Variants in AQP9 observed in about 807,000 individuals in gnomAD.
AQP9 encodes aquaporin-9.
A neutral mutation model predicts 23.8 loss-of-function variants in AQP9; 19 were observed. The observed-to-expected ratio is 0.80, with a 90% CI of 0.56 to 1.17. AQP9 has a LOEUF of 1.17. Ranked by LOEUF, AQP9 falls within the 50% of genes most tolerant of loss-of-function variation. The pLI is 0.00. For missense variants in AQP9, 413 were observed against 362.0 expected (o/e 1.14, Z -1.14); for synonymous variants, 153 against 131.5 (o/e 1.16, Z -1.12).
In AQP9 at chr15:58,184,204, G is replaced by C. The variant is rs572981246; in HGVS notation, c.*69G>C. 82 of 1,525,906 alleles carry C rather than the reference G, an allele frequency of 5.4e-5. 1 individual carries two copies. In the South Asian group the frequency reaches 9.7e-4, roughly 18 times the overall value. The allele number at this position is 1,525,906 out of a possible 1,614,324, so 94.5% of individuals were successfully genotyped here. ...TCAGAAAGATGGCATCTAAGTGTCT[G>C]TGTTCTTGTAAGCCTGAGGTGGAAT... is the stretch of plus-strand genomic sequence containing the variant. On this transcript the variant is annotated 3_prime_UTR_variant, in exon 6 of 6. Transcript: ENST00000219919.
At position 58,138,690 on chromosome 15, in the gene AQP9, G is replaced by A; in HGVS notation, c.111+14G>A. On this transcript the variant is annotated intron_variant, in intron 1 of 5. Transcript: ENST00000219919. Reference sequence around the variant, plus strand: ...TTCATCTTGATTGTAAGTATTTCCTGATTTCCTACATTCAGACCCAATAAT... The same window carrying A: ...TTCATCTTGATTGTAAGTATTTCCTAATTTCCTACATTCAGACCCAATAAT... 1 of 1,610,372 alleles carries A rather than the reference G, an allele frequency of 6.2e-7. No individual in the cohort carries two copies. The highest frequency in any genetic ancestry group is 8.5e-7 in the Non-Finnish European group (1 of 1,176,810).
intron 1 of AQP9, among the ~76,000 whole-genome samples, chr15:58,147,995 T>C (rs8035807): frequency 0.16 from 23,875 of 152,118 alleles, 2,213 homozygotes; most frequent in East Asian, 0.27. Context: ...GAGAATAATA[T>C]TTAAAATCTG....
rs1277771462 is a variant in AQP9, at chr15:58,173,160, T to G, written c.331T>G (p.Leu111Val). The G allele has an allele frequency of 1.2e-6, 2 of 1,614,080 alleles. No homozygotes were observed. Among genetic ancestry groups the G allele is most frequent in the East Asian group, 4.5e-5 (2 of 44,888 alleles). ...GCCATTTTATGTGGGAGCCCAGTTC[T>G]TGGGAGCCTTTGTGGGGGCTGCAAC... ...KLPFYVGAQF[L>V]GAFVGAATVF... is the part of the protein sequence containing the mutation. Residue 111 changes from leucine to valine, a missense_variant, in exon 3 of 6, where the codon TTG becomes GTG. By Grantham distance (32) the Leu-to-Val change is conservative. Transcript: ENST00000219919.
At chr15:58,174,554 C>T (rs1190560185) in intron 3 of AQP9, among the ~76,000 whole-genome samples, 3 of 152,158 alleles carry the variant, frequency 2.0e-5, no homozygotes, top group African/African-American at 7.2e-5. Flanking sequence ...TTACTGAGAG[C>T]CCTCTGGGAA....
intron 1 of AQP9, among the ~76,000 whole-genome samples, chr15:58,161,498 A>G (rs1476404809): frequency 6.6e-6 from 1 of 152,214 alleles, no homozygotes; most frequent in African/African-American, 2.4e-5. Context: ...AATCATAAAT[A>G]GTCAAAACAA....
Position 58,174,980 on chromosome 15 carries a change from A to G in AQP9, c.439A>G (p.Ile147Val). Reference sequence around the variant, plus strand: ...CGTGGGAGAAAATGCAACAGCACACATTTTTGCAACATACCCAGCTCCGTA... The same window carrying G: ...CGTGGGAGAAAATGCAACAGCACACGTTTTTGCAACATACCCAGCTCCGTA... ...LIVGENATAHIFATYPAPYLS... is the reference protein window; with the variant it reads ...LIVGENATAHVFATYPAPYLS... The change falls in exon 4 of 6, where the codon ATT (isoleucine) becomes GTT (valine). Residue 147 changes from isoleucine (I) to valine (V), a missense_variant. Coordinates refer to ENST00000219919, the MANE Select transcript of AQP9 (RefSeq NM_020980.5). 6.2e-7 allele frequency: 1 copy of G among 1,614,176 alleles called. No homozygotes were observed. The highest frequency in any genetic ancestry group is 2.2e-5 in the East Asian group (1 of 44,880).
At chr15:58,182,104 G>T (rs879591907) in intron 5 of AQP9, among the ~76,000 whole-genome samples, 13 of 152,292 alleles carry the variant, frequency 8.5e-5, no homozygotes, top group Middle Eastern at 6.8e-3. Context: ...GAGGGCAAGA[G>T]TCAACAGACC....
intron 1 of AQP9, among the ~76,000 whole-genome samples, chr15:58,144,751 C>G (rs1272441477): frequency 6.6e-6 from 1 of 152,130 alleles, no homozygotes; most frequent in Non-Finnish European, 1.5e-5. Flanking sequence ...CGCGGTGGCT[C>G]ATGCCTGTAA....
intron 1 of AQP9, among the ~76,000 whole-genome samples, chr15:58,150,095 C>T (rs1250985321): frequency 3.9e-5 from 6 of 152,136 alleles, no homozygotes; most frequent in Non-Finnish European, 7.4e-5. Flanking sequence ...TAAGTGAGAC[C>T]GAACAGGCAA....
At chr15:58,158,678 A>C (rs1400298108) in intron 1 of AQP9, among the ~76,000 whole-genome samples, 1 of 152,210 alleles carries the variant, frequency 6.6e-6, no homozygotes, top group Non-Finnish European at 1.5e-5. Context: ...TTTAACTTTA[A>C]AAATTTTCAA....
chr15:58,143,057 T>A (rs1309924864), intron 1 of AQP9, among the ~76,000 whole-genome samples: 2 of 152,198 alleles, frequency 1.3e-5, no homozygotes, highest in African/African-American at 4.8e-5. Flanking sequence ...ACCCACAGTC[T>A]TGCAGCATTT....
intron 5 of AQP9, 140 bp downstream of exon 5, chr15:58,179,485 A>G (rs1177705140): frequency 3.0e-6 from 2 of 676,360 alleles, no homozygotes; most frequent in African/African-American, 3.7e-5. Flanking sequence ...AGCATGAGAC[A>G]TTTCACTGGT....
chr15:58,180,190 A>G (rs1566991555), intron 5 of AQP9, among the ~76,000 whole-genome samples: 2 of 152,156 alleles, frequency 1.3e-5, no homozygotes, highest in Non-Finnish European at 2.9e-5. Flanking sequence ...GCAACTTCCT[A>G]TGGGGAAGGA....
rs1240325193 is a variant in AQP9 at position 58,185,182 on chromosome 15, T to G, written c.*1047T>G. 6.6e-6 allele frequency: 1 copy of G among 152,452 alleles called. No homozygotes were observed. The highest frequency in any genetic ancestry group is 2.4e-5 in the African/African-American group (1 of 41,444). The allele number at this position is 152,452 out of a possible 1,614,324, so 9.4% of individuals were successfully genotyped here. A position where few individuals can be genotyped will look rare whatever the true frequency, so the allele number is the denominator to read the frequency against. On this transcript the variant is annotated 3_prime_UTR_variant, in exon 6 of 6. Coordinates refer to ENST00000219919, the MANE Select transcript of AQP9 (RefSeq NM_020980.5). ...ATGACTATGTGAGGCAAATGCCACA[T>G]TGCCCATTTTTCAGATAAAGAAACA...
chr15:58,175,439 C>A (rs1207205718), intron 4 of AQP9, among the ~76,000 whole-genome samples: 1 of 152,210 alleles, frequency 6.6e-6, no homozygotes, highest in Non-Finnish European at 1.5e-5. Context: ...CCTAGGGGAT[C>A]ATCAATCCTC....
At chr15:58,175,738 GT>G (rs1898738229) in intron 4 of AQP9, among the ~76,000 whole-genome samples, 1 of 44,730 alleles carries the variant, frequency 2.2e-5, no homozygotes. Context: ...GACTTATACA[GT>G]GGAGCAGATC....
rs1396678288 is a variant in AQP9 at position 58,141,978 on chromosome 15, G to A, written c.111+3302G>A. Among the ~76,000 whole-genome samples, 61 of 152,158 alleles carry A rather than the reference G, an allele frequency of 4.0e-4. 2 individuals carry two copies. The highest frequency in any genetic ancestry group is 3.7e-3 in the Admixed American group (56 of 15,272). On this transcript the variant is annotated intron_variant, in intron 1 of 5. Transcript: ENST00000219919. Reference sequence around the variant, plus strand: ...ACAATTTTGGTCTAGTACATTATTTGGAATGCCCAGGTACTGGCAGGAGAG... The same window carrying A: ...ACAATTTTGGTCTAGTACATTATTTAGAATGCCCAGGTACTGGCAGGAGAG...
chr15:58,150,234 A>T (rs575181013), intron 1 of AQP9: 134 of 152,710 alleles, frequency 8.8e-4, no homozygotes, highest in Non-Finnish European at 1.3e-3. Flanking sequence ...CAGGAGTTTC[A>T]ATTACTTGAG....
At chr15:58,168,783 C>T (rs1898560669) in intron 2 of AQP9, among the ~76,000 whole-genome samples, 1 of 152,042 alleles carries the variant, frequency 6.6e-6, no homozygotes. Flanking sequence ...ACAAGAAAAA[C>T]CAGGGGACTG....
Sources: gnomAD v4.1 joint callset for allele counts (sites outside exome capture counted in the v4.1 genomes callset) on GRCh38, gnomAD v4.1.1 for gene constraint, MANE v1.5 for transcripts, NCBI Gene and HGNC (gene_info 2026-07-23, HGNC 2026-07-21) for gene names.